TBL1XR1: variants seen among roughly 807,000 people sequenced by gnomAD.
TBL1XR1 encodes the protein F-box-like/WD repeat-containing protein TBL1XR1.
TBL1XR1 carries 5 observed loss-of-function variants against 66.9 expected under a neutral mutation model. That is an observed-to-expected ratio of 0.07 (90% CI 0.04 to 0.16). The LOEUF (loss-of-function observed/expected upper bound fraction) is 0.16, where lower values mean the gene tolerates loss of function less well. Ranked by LOEUF, TBL1XR1 falls within the 10% of genes least tolerant of loss-of-function variation. The pLI, the probability that TBL1XR1 is intolerant of heterozygous loss-of-function variation, is 1.00. For missense variants in TBL1XR1, 238 were observed against 623.2 expected (o/e 0.38, Z 6.58); for synonymous variants, 210 against 206.0 (o/e 1.02, Z -0.17).
At chr3:177,104,129 A>AGAG (rs1553844014) in intron 1 of TBL1XR1, among the ~76,000 whole-genome samples, 40 of 141,234 alleles carry the variant, frequency 2.8e-4, no homozygotes, top group South Asian at 2.7e-3. Flanking sequence ...AAAAAAAAAA[A>AGAG]AGAGAGAGAG....
intron 2 of TBL1XR1, among the ~76,000 whole-genome samples, chr3:177,073,143 T>C (rs905583772): frequency 2.6e-5 from 4 of 152,200 alleles, no homozygotes; most frequent in African/African-American, 9.6e-5. Flanking sequence ...TTGATAACTA[T>C]AACCCACATA....
chr3:177,112,459 A>G (rs1725772833), intron 1 of TBL1XR1, among the ~76,000 whole-genome samples: 2 of 151,986 alleles, frequency 1.3e-5, no homozygotes, highest in Admixed American at 1.3e-4. Context: ...TAGGACAGTT[A>G]AAGAAAAGCT....
intron 1 of TBL1XR1, among the ~76,000 whole-genome samples, chr3:177,138,159 A>G (rs1274345869): frequency 6.6e-6 from 1 of 152,238 alleles, no homozygotes; most frequent in Non-Finnish European, 1.5e-5. Context: ...AACTACAAGA[A>G]GGAAACAATG....
At chr3:177,137,679 G>GA (rs1254492784) in intron 1 of TBL1XR1, among the ~76,000 whole-genome samples, 4 of 152,016 alleles carry the variant, frequency 2.6e-5, no homozygotes, top group Non-Finnish European at 5.9e-5. Flanking sequence ...AAATTAAAAT[G>GA]AAATAAAAGG....
chr3:177,034,082 G>GAAAA (rs200642827), intron 13 of TBL1XR1, 116 bp downstream of exon 13: 30 of 927,056 alleles, frequency 3.2e-5, no homozygotes, highest in South Asian at 1.1e-4. Context: ...ACTGAAATTG[G>GAAAA]AAAAAAAAAA....
intron 1 of TBL1XR1, among the ~76,000 whole-genome samples, chr3:177,114,647 T>A (rs977890591): frequency 6.6e-6 from 1 of 151,450 alleles, no homozygotes; most frequent in East Asian, 1.9e-4. Flanking sequence ...AAAAACATAA[T>A]GTCGTATGTC....
intron 12 of TBL1XR1, among the ~76,000 whole-genome samples, chr3:177,037,085 T>C (rs150215037): frequency 9.5e-4 from 145 of 152,324 alleles, no homozygotes; most frequent in African/African-American, 3.4e-3. Context: ...GATGTTGGTA[T>C]GTCAACTAGG....
At chr3:177,093,158 A>G (rs1049418889) in intron 2 of TBL1XR1, among the ~76,000 whole-genome samples, 1 of 152,202 alleles carries the variant, frequency 6.6e-6, no homozygotes, top group African/African-American at 2.4e-5. Context: ...TAACTCTTCT[A>G]TACATCAACA....
At chr3:177,152,026 T>A (rs1730951672) in intron 1 of TBL1XR1, among the ~76,000 whole-genome samples, 1 of 152,146 alleles carries the variant, frequency 6.6e-6, no homozygotes, top group Non-Finnish European at 1.5e-5. Flanking sequence ...AACTGTACTC[T>A]TTTGTCCTAA....
rs562028880 is a variant in TBL1XR1, at chr3:177,193,543, T to C, written c.-122+3578A>G. ...CCAAGATGGTCTCAATCTCTTGACC[T>C]CGTGATCCGCCCGCCTTGGCCTTCC... On this transcript the variant is annotated intron_variant, in intron 1 of 15. Coordinates refer to ENST00000457928, the MANE Select transcript of TBL1XR1 (RefSeq NM_024665.7). Among the ~76,000 whole-genome samples the C allele has an allele frequency of 2.2e-3, 328 of 152,286 alleles. 5 individuals carry two copies. In the South Asian group the frequency reaches 0.036, roughly 17 times the overall value.
chr3:177,047,535 A>C lies in TBL1XR1; in HGVS notation c.717T>G (p.Leu239=), dbSNP rs551366612. ...ACCCATCATAGGAACCAGTTGCTAG[A>C]AGTGTACCTTCACTCTGCCAGAGAA... ...TSLDWNSEGT[L]LATGSYDGFA... Residue 239 remains leucine (L), a synonymous_variant, in exon 8 of 16, where the codon CTT becomes CTG. Coordinates refer to ENST00000457928, the MANE Select transcript of TBL1XR1 (RefSeq NM_024665.7). 1 of 1,612,962 alleles carries C rather than the reference A, an allele frequency of 6.2e-7. No individual in the cohort carries two copies. Among genetic ancestry groups the C allele is most frequent in the Non-Finnish European group, 8.5e-7 (1 of 1,179,318 alleles).
chr3:177,116,278 T>G (rs1258741922), intron 1 of TBL1XR1, among the ~76,000 whole-genome samples: 1 of 152,180 alleles, frequency 6.6e-6, no homozygotes, highest in African/African-American at 2.4e-5. Context: ...CTTGTTCCTC[T>G]TCTCGTATTT....
chr3:177,116,369 T>C (rs757435507), intron 1 of TBL1XR1, among the ~76,000 whole-genome samples: 2 of 152,174 alleles, frequency 1.3e-5, no homozygotes, highest in East Asian at 1.9e-4. Context: ...CCTCATTTCC[T>C]GTAAGTAAGC....
intron 3 of TBL1XR1, among the ~76,000 whole-genome samples, chr3:177,062,420 C>G (rs866553897): frequency 6.6e-6 from 1 of 152,188 alleles, no homozygotes; most frequent in African/African-American, 2.4e-5. Context: ...ATTCCCAGGC[C>G]CCACTCAGTG....
At chr3:177,089,933 CAT>C (rs534416072) in intron 2 of TBL1XR1, among the ~76,000 whole-genome samples, 114 of 152,314 alleles carry the variant, frequency 7.5e-4, no homozygotes, top group African/African-American at 2.6e-3. Flanking sequence ...GATTAAAAGA[CAT>C]ATATGTATCA....
At chr3:177,158,349 C>G (rs1731773840) in intron 1 of TBL1XR1, among the ~76,000 whole-genome samples, 1 of 151,644 alleles carries the variant, frequency 6.6e-6, no homozygotes, top group Non-Finnish European at 1.5e-5. Context: ...CTGCCTCAGC[C>G]TCCCCAGTAG....
chr3:177,044,289 C>T (rs900229952), intron 10 of TBL1XR1, among the ~76,000 whole-genome samples: 11 of 152,142 alleles, frequency 7.2e-5, no homozygotes, highest in African/African-American at 2.7e-4. Context: ...GGGTTAGGAG[C>T]ACCAACCCCC....
chr3:177,026,527 T>A (rs971183833), intron 14 of TBL1XR1, 53 bp from the exon 15 acceptor site: 2 of 1,286,726 alleles, frequency 1.6e-6, no homozygotes, highest in Non-Finnish European at 2.1e-6. Context: ...TTATAATAAA[T>A]CCAAATGCTG....
intron 7 of TBL1XR1, chr3:177,047,985 T>C (rs1416682811): frequency 6.1e-6 from 1 of 163,266 alleles, no homozygotes; most frequent in East Asian, 1.7e-4. Context: ...CTAAATCCTT[T>C]ACTGTCTAAA....
Sources: allele counts gnomAD v4.1 joint callset (sites outside exome capture counted in the v4.1 genomes callset), GRCh38; gene constraint gnomAD v4.1.1; transcripts MANE v1.5; gene names NCBI Gene and HGNC (gene_info 2026-07-23, HGNC 2026-07-21).